RARB: variants seen among roughly 807,000 people sequenced by gnomAD.
RARB encodes the protein HBV-activated protein.
In RARB, 17 loss-of-function variants were observed where a neutral mutation model predicts 51.9. The ratio of observed to expected loss-of-function variants is 0.33; its 90% CI spans 0.22 to 0.49. The LOEUF (loss-of-function observed/expected upper bound fraction) is 0.49. Among genes scored for constraint, RARB ranks in the 20% least tolerant of loss-of-function variants. The pLI, the probability that RARB is intolerant of heterozygous loss-of-function variation, is 0.99. For synonymous variants in RARB, 215 were observed against 195.4 expected, an observed-to-expected ratio of 1.10 and a Z score of -0.84; for missense variants, 369 against 550.8, an observed-to-expected ratio of 0.67 and a Z score of 3.30.
chr3:24,938,984 G>T (rs1029418193), intron 2 of RARB, among the ~76,000 whole-genome samples: 8 of 149,520 alleles, frequency 5.4e-5, no homozygotes, highest in Admixed American at 4.7e-4. Context: ...TTAGTTTTTT[G>T]TTGTTGTTTT....
At chr3:25,065,033 A>G (rs1383061886) in intron 3 of RARB, among the ~76,000 whole-genome samples, 2 of 152,030 alleles carry the variant, frequency 1.3e-5, no homozygotes, top group Non-Finnish European at 2.9e-5. Flanking sequence ...TCTGATCCTG[A>G]TGGAGAAGGA....
chr3:25,145,944 G>T (rs1227107903), intron 4 of RARB, among the ~76,000 whole-genome samples: 1 of 152,000 alleles, frequency 6.6e-6, no homozygotes, highest in East Asian at 1.9e-4. Flanking sequence ...AGAGGTTGCA[G>T]TGAGGTGAGA....
chr3:24,940,208 T>C (rs934741382), intron 2 of RARB, among the ~76,000 whole-genome samples: 1 of 152,146 alleles, frequency 6.6e-6, no homozygotes, highest in South Asian at 2.1e-4. Context: ...TTTCATCTTT[T>C]CGTAGTACAA....
intron 5 of RARB, among the ~76,000 whole-genome samples, chr3:25,592,678 G>C (rs574155581): frequency 9.8e-5 from 15 of 152,334 alleles, no homozygotes; most frequent in African/African-American, 3.6e-4. Flanking sequence ...AGGGTTATGT[G>C]TCAAGCATAC....
intron 5 of RARB, among the ~76,000 whole-genome samples, chr3:25,362,031 T>C (rs1453128841): frequency 6.6e-6 from 1 of 152,220 alleles, no homozygotes; most frequent in African/African-American, 2.4e-5. Flanking sequence ...CACTGCTCTC[T>C]TTAGAGCCAG....
At chr3:25,565,047 C>G (rs1452669256) in intron 3 of RARB, among the ~76,000 whole-genome samples, 1 of 152,176 alleles carries the variant, frequency 6.6e-6, no homozygotes, top group African/African-American at 2.4e-5. Flanking sequence ...GCTTCCTAAT[C>G]TAGGACCAGT....
At chr3:25,116,117 A>T (rs1038214259) in intron 3 of RARB, among the ~76,000 whole-genome samples, 2 of 152,064 alleles carry the variant, frequency 1.3e-5, no homozygotes, top group African/African-American at 2.4e-5. Context: ...CTACCAGTTC[A>T]TTTTCTCTTG....
At chr3:24,899,560 G>T (rs1228855265) in intron 2 of RARB, among the ~76,000 whole-genome samples, 1 of 152,146 alleles carries the variant, frequency 6.6e-6, no homozygotes, top group Non-Finnish European at 1.5e-5. Context: ...AGTGGGAATT[G>T]ATTAGGACCC....
intron 5 of RARB, among the ~76,000 whole-genome samples, chr3:25,223,310 T>A (rs1252770355): frequency 6.6e-6 from 1 of 152,244 alleles, no homozygotes; most frequent in Non-Finnish European, 1.5e-5. Context: ...GTATTCATAT[T>A]ATGTTCGCTT....
intron 2 of RARB, among the ~76,000 whole-genome samples, chr3:24,864,418 AG>A (rs1702811582): frequency 6.6e-6 from 1 of 152,020 alleles, no homozygotes; most frequent in Non-Finnish European, 1.5e-5. Context: ...TTCCTTGCTT[AG>A]GCTCCATGTG....
At chr3:24,883,841 C>G (rs1290939331) in intron 2 of RARB, among the ~76,000 whole-genome samples, 1 of 152,060 alleles carries the variant, frequency 6.6e-6, no homozygotes, top group Admixed American at 6.6e-5. Flanking sequence ...GTCAATGATT[C>G]TTGCGTAAGT....
intron 4 of RARB, among the ~76,000 whole-genome samples, chr3:25,578,113 G>T (rs1701015133): frequency 6.6e-6 from 1 of 152,208 alleles, no homozygotes; most frequent in Non-Finnish European, 1.5e-5. Flanking sequence ...TGCACACTCA[G>T]AAATGCTGCT....
chr3:25,477,882 A>G lies in RARB; in HGVS notation c.306+16541A>G, dbSNP rs189240804. 1.3e-3 allele frequency among the ~76,000 whole-genome samples: 200 copies of G among 152,344 alleles called. 1 individual carries two copies. Among genetic ancestry groups the G allele is most frequent in the African/African-American group, 4.5e-3 (187 of 41,586 alleles). ...CTTTGCTTCCTGCTATCTGGGGCCC[A>G]GCTGATGACAGTCAACATCTGGAGT... On this transcript the variant is annotated intron_variant, in intron 2 of 7. Coordinates refer to ENST00000330688, the MANE Select transcript of RARB (RefSeq NM_000965.5).
intron 4 of RARB, among the ~76,000 whole-genome samples, chr3:25,576,317 G>C (rs1476719888): frequency 6.6e-6 from 1 of 152,178 alleles, no homozygotes; most frequent in Non-Finnish European, 1.5e-5. Flanking sequence ...GAAGGCTTCG[G>C]CAGGGACACA....
intron 5 of RARB, among the ~76,000 whole-genome samples, chr3:25,412,901 C>A (rs1707600580): frequency 6.6e-6 from 1 of 152,060 alleles, no homozygotes. Flanking sequence ...TGCCTGTAAT[C>A]CCACCTATTC....
intron 5 of RARB, among the ~76,000 whole-genome samples, chr3:25,393,583 A>T (rs944568452): frequency 2.0e-5 from 3 of 151,968 alleles, no homozygotes; most frequent in African/African-American, 7.2e-5. Flanking sequence ...TTGTTCTGTT[A>T]AGAGATTCCA....
intron 5 of RARB, among the ~76,000 whole-genome samples, chr3:25,175,721 T>C (rs992855502): frequency 4.6e-5 from 7 of 152,198 alleles, no homozygotes; most frequent in Non-Finnish European, 8.8e-5. Flanking sequence ...ACTATATCAT[T>C]CCTGATAAAC....
intron 5 of RARB, among the ~76,000 whole-genome samples, chr3:25,270,878 G>A (rs1216270987): frequency 1.3e-5 from 2 of 152,188 alleles, no homozygotes; most frequent in African/African-American, 4.8e-5. Context: ...GGCAAAAACC[G>A]CAAATACTTT....
At chr3:25,498,583 G>T (rs1575462060) in intron 2 of RARB, among the ~76,000 whole-genome samples, 1 of 152,326 alleles carries the variant, frequency 6.6e-6, no homozygotes, top group East Asian at 1.9e-4. Context: ...GAATCACACT[G>T]ACTGGGCAAT....
Sources: gnomAD v4.1 joint callset for allele counts (sites outside exome capture counted in the v4.1 genomes callset) on GRCh38, gnomAD v4.1.1 for gene constraint, MANE v1.5 for transcripts, NCBI Gene and HGNC (gene_info 2026-07-23, HGNC 2026-07-21) for gene names.